CDH6: variants seen among roughly 807,000 people sequenced by gnomAD.
The protein encoded by CDH6 is cadherin 6.
In CDH6, 31 loss-of-function variants were observed where a neutral mutation model predicts 78.0. That is an observed-to-expected ratio of 0.40 (90% CI 0.30 to 0.54). The LOEUF is 0.54. Ranked by LOEUF, CDH6 falls within the 20% of genes least tolerant of loss-of-function variation. CDH6 has a pLI of 0.56. For missense variants in CDH6, 724 were observed against 975.9 expected, an observed-to-expected ratio of 0.74 and a Z score of 3.44; for synonymous variants, 376 against 368.8, an observed-to-expected ratio of 1.02 and a Z score of -0.23.
At chr5:31,224,490 G>C (rs910899059) in intron 1 of CDH6, among the ~76,000 whole-genome samples, 3 of 152,150 alleles carry the variant, frequency 2.0e-5, no homozygotes, top group Non-Finnish European at 4.4e-5. Flanking sequence ...AAGTAATATG[G>C]ACAGCTAGAA....
Position 31,323,455 on chromosome 5 carries a change from A to G in CDH6, c.*147A>G. On this transcript the variant is annotated 3_prime_UTR_variant, in exon 12 of 12. Transcript: ENST00000265071. ...AGTCCGTGTGGATCCAATGTTAGAG[A>G]CTTTTTTCTAGTACACTTTTATGAG... is the stretch of plus-strand genomic sequence containing the variant. 2.2e-6 allele frequency: 2 copies of G among 909,306 alleles called. No homozygotes were observed. Among genetic ancestry groups the G allele is most frequent in the Non-Finnish European group, 3.2e-6 (2 of 617,454 alleles). The allele number at this position is 909,306 out of a possible 1,614,324, so 56.3% of individuals were successfully genotyped here.
chr5:31,267,813 C>A, intron 2 of CDH6, 112 bp downstream of exon 2: 1 of 804,602 alleles, frequency 1.2e-6, no homozygotes, highest in Non-Finnish European at 2.0e-6. Context: ...AGAATTGTTG[C>A]TTAACTGGTA....
chr5:31,320,592 A>C (rs1738454843), intron 11 of CDH6, among the ~76,000 whole-genome samples: 1 of 152,140 alleles, frequency 6.6e-6, no homozygotes. Flanking sequence ...AACCAGTATG[A>C]AAGGTAGATC....
intron 2 of CDH6, among the ~76,000 whole-genome samples, chr5:31,275,324 T>C (rs1386966467): frequency 6.6e-6 from 1 of 152,030 alleles, no homozygotes; most frequent in Non-Finnish European, 1.5e-5. Context: ...CTACAGTTAG[T>C]TTTTCAACTC....
In CDH6 at chr5:31,294,231, C is replaced by T; in HGVS notation, c.498C>T (p.Ala166=). 2 of 1,613,494 alleles carry T rather than the reference C, an allele frequency of 1.2e-6. No individual in the cohort carries two copies. The highest frequency in any genetic ancestry group is 1.7e-6 in the Non-Finnish European group (2 of 1,179,660). Residue 166 remains alanine (A), a synonymous_variant, in exon 3 of 12, where the codon GCC becomes GCT. Transcript: ENST00000265071. This position sits in a 1 kb window ranked among gnomAD's most constrained non-coding sequence, Gnocchi z 4.1. The part of the protein sequence containing the change: ...EPIFTKEVYT[A]TVPEMSDVGT... ...TATTCACCAAGGAGGTTTACACAGC[C>T]ACTGTCCCTGAAATGTCTGATGTCG...
chr5:31,254,940 G>A (rs1742014901), intron 1 of CDH6, among the ~76,000 whole-genome samples: 1 of 152,110 alleles, frequency 6.6e-6, no homozygotes, highest in African/African-American at 2.4e-5. Flanking sequence ...GTAAAAGTTG[G>A]TAACCTATTA....
At chr5:31,307,316 C>T (rs934338173) in intron 7 of CDH6, among the ~76,000 whole-genome samples, 8 of 152,186 alleles carry the variant, frequency 5.3e-5, no homozygotes, top group Non-Finnish European at 1.2e-4. Flanking sequence ...AGGCAGCAGT[C>T]ATTTTCTTAC....
At chr5:31,301,468 A>G (rs1018867689) in intron 5 of CDH6, among the ~76,000 whole-genome samples, 1 of 152,228 alleles carries the variant, frequency 6.6e-6, no homozygotes, top group African/African-American at 2.4e-5. Flanking sequence ...TATAGGAAAC[A>G]TAGGTTTCAA....
chr5:31,302,966 A>AGAG (rs1561066631), intron 6 of CDH6, among the ~76,000 whole-genome samples: 1 of 50,452 alleles, frequency 2.0e-5, no homozygotes, highest in East Asian at 9.1e-4. Flanking sequence ...AAGGAAAGAA[A>AGAG]AGAAAGAAAG....
chr5:31,224,552 A>G (rs1447704785), intron 1 of CDH6, among the ~76,000 whole-genome samples: 1 of 152,140 alleles, frequency 6.6e-6, no homozygotes, highest in East Asian at 1.9e-4. Flanking sequence ...CACTCTCATT[A>G]GTGGGTTTTT....
At chr5:31,228,208 G>A (rs576798714) in intron 1 of CDH6, among the ~76,000 whole-genome samples, 4 of 152,238 alleles carry the variant, frequency 2.6e-5, no homozygotes, top group Admixed American at 6.5e-5. Flanking sequence ...TAAGGTCTAA[G>A]GACCTTTGTG....
At position 31,323,572 on chromosome 5, in the gene CDH6, T is replaced by C. The variant is rs1738537975; in HGVS notation, c.*264T>C. ...CCGGAGGGGAGGACAGGGAACAGTATTTCCACTTGTTCTCAGGGCAGCGTG... is the reference window on the plus strand; with the variant it reads ...CCGGAGGGGAGGACAGGGAACAGTACTTCCACTTGTTCTCAGGGCAGCGTG... On this transcript the variant is annotated 3_prime_UTR_variant, in exon 12 of 12. Transcript: ENST00000265071. 6.8e-6 allele frequency: 3 copies of C among 444,142 alleles called. No individual in the cohort carries two copies. Among genetic ancestry groups the C allele is most frequent in the Non-Finnish European group, 1.2e-5 (3 of 246,286 alleles). 27.5% of individuals were successfully genotyped at this position (444,142 alleles called of 1,614,324 possible). A position where few individuals can be genotyped will look rare whatever the true frequency, so the allele number is the denominator to read the frequency against.
At chr5:31,309,394 A>G (rs1189169662) in intron 7 of CDH6, among the ~76,000 whole-genome samples, 1 of 152,202 alleles carries the variant, frequency 6.6e-6, no homozygotes, top group Non-Finnish European at 1.5e-5. Flanking sequence ...GCAGTAAACT[A>G]TGGCAAGTTA....
intron 2 of CDH6, among the ~76,000 whole-genome samples, chr5:31,275,302 G>A (rs368274273): frequency 9.3e-4 from 141 of 152,206 alleles, no homozygotes; most frequent in African/African-American, 3.2e-3. Flanking sequence ...CCCAGGTACT[G>A]AGCATAGTAC....
intron 1 of CDH6, among the ~76,000 whole-genome samples, chr5:31,247,479 T>C (rs1352164369): frequency 1.3e-5 from 2 of 152,214 alleles, no homozygotes; most frequent in East Asian, 3.9e-4. Context: ...TGCCCCCACA[T>C]TGACTGGAGA....
chr5:31,249,757 G>A (rs1741858943), intron 1 of CDH6: 1 of 152,240 alleles, frequency 6.6e-6, no homozygotes. Context: ...AAATGGGCAG[G>A]CCCTGCTGGG....
intron 1 of CDH6, among the ~76,000 whole-genome samples, chr5:31,238,870 T>A (rs1470547177): frequency 3.3e-5 from 5 of 152,256 alleles, no homozygotes; most frequent in African/African-American, 1.2e-4. Context: ...ACTGGCAATG[T>A]AGGATATTCA....
intron 1 of CDH6, among the ~76,000 whole-genome samples, chr5:31,202,153 A>G (rs1478497443): frequency 1.3e-5 from 2 of 152,136 alleles, no homozygotes; most frequent in African/African-American, 4.8e-5. Flanking sequence ...GTAGACAAAA[A>G]TTTACTAACA....
At chr5:31,293,305 T>C (rs1171096939) in intron 2 of CDH6, among the ~76,000 whole-genome samples, 1 of 152,140 alleles carries the variant, frequency 6.6e-6, no homozygotes, top group African/African-American at 2.4e-5. Context: ...AGTCAGGTGA[T>C]TTTCAAGGTA....
Sources: gnomAD v4.1 joint callset for allele counts (sites outside exome capture counted in the v4.1 genomes callset) on GRCh38, gnomAD v4.1.1 for gene constraint, Gnocchi (gnomAD v3.1) non-coding constraint, MANE v1.5 for transcripts, NCBI Gene and HGNC (gene_info 2026-07-23, HGNC 2026-07-21) for gene names.